FKBP6: variants seen among roughly 807,000 people sequenced by gnomAD.
FKBP6 encodes inactive peptidyl-prolyl cis-trans isomerase FKBP6.
A neutral mutation model predicts 41.7 loss-of-function variants in FKBP6; 29 were observed. That is an observed-to-expected ratio of 0.70 (90% CI 0.52 to 0.95). The LOEUF is 0.95. FKBP6 is among the 40% of genes least tolerant of loss of function. The pLI is 0.00. For synonymous variants in FKBP6, 130 were observed against 165.1 expected (o/e 0.79, Z 1.63); for missense variants, 338 against 408.7 (o/e 0.83, Z 1.49).
chr7:73,343,148 T>G (rs1002201960), intron 8 of FKBP6, among the ~76,000 whole-genome samples: 2 of 152,098 alleles, frequency 1.3e-5, no homozygotes, highest in Non-Finnish European at 2.9e-5. Context: ...AGCTATTTAT[T>G]TATTTATTTG....
chr7:73,340,884 C>CTG, intron 6 of FKBP6, 52 bp downstream of exon 6: 1 of 1,196,302 alleles, frequency 8.4e-7, no homozygotes, highest in Non-Finnish European at 1.2e-6. Flanking sequence ...AAGGTAGTAG[C>CTG]AGTGCTCAAC....
chr7:73,332,259 G>A (rs1165583486), intron 5 of FKBP6, among the ~76,000 whole-genome samples: 3 of 152,064 alleles, frequency 2.0e-5, no homozygotes, highest in African/African-American at 7.2e-5. Flanking sequence ...CAAGGCAGGT[G>A]GATCACCTGA....
In FKBP6 at chr7:73,341,520, TCTGAAGTGCTCGG is replaced by T. The variant is rs1461910710; in HGVS notation, c.893+140_893+152del. 192 of 710,844 alleles carry T rather than the reference TCTGAAGTGCTCGG, an allele frequency of 2.7e-4. 1 individual carries two copies. In the Middle Eastern group the frequency reaches 3.9e-3, roughly 15 times the overall value. The allele number at this position is 710,844 out of a possible 1,614,324, so 44.0% of individuals were successfully genotyped here. On this transcript the variant is annotated intron_variant, in intron 7 of 8. Transcript: ENST00000252037. ...AGGCCGCCCCCTCTACAGCTGGGTT[TCTGAAGTGCTCGG>T]CCGTGCGCTGCACCAGCAGTTCCCA...
At chr7:73,340,992 C>T (rs1231355285) in intron 6 of FKBP6, among the ~76,000 whole-genome samples, 160 bp downstream of exon 6, 2 of 143,188 alleles carry the variant, frequency 1.4e-5, no homozygotes, top group African/African-American at 2.6e-5. Context: ...GGCGCAAATT[C>T]GGCTCGCTGC....
intron 8 of FKBP6, among the ~76,000 whole-genome samples, chr7:73,356,919 T>C (rs1554552033): frequency 1.3e-5 from 2 of 152,174 alleles, no homozygotes; most frequent in African/African-American, 4.8e-5. Context: ...TAGCTGGGAT[T>C]ACAGGTGCCT....
chr7:73,347,916 A>G (rs190056012), intron 8 of FKBP6, among the ~76,000 whole-genome samples: 1 of 152,342 alleles, frequency 6.6e-6, no homozygotes, highest in Non-Finnish European at 1.5e-5. Flanking sequence ...GAGTGCTGAA[A>G]TTATGAGCGT....
intron 8 of FKBP6, among the ~76,000 whole-genome samples, chr7:73,351,266 G>A (rs978535199): frequency 6.6e-6 from 1 of 152,152 alleles, no homozygotes; most frequent in Non-Finnish European, 1.5e-5. Context: ...CTAACCTCAA[G>A]TGATTCATCC....
intron 2 of FKBP6, among the ~76,000 whole-genome samples, chr7:73,329,044 A>G (rs578077191): frequency 6.6e-6 from 1 of 152,150 alleles, no homozygotes; most frequent in East Asian, 1.9e-4. Flanking sequence ...GACCCAAGTG[A>G]GCCTCCCACC....
rs1351810128 is a variant in FKBP6 at position 73,358,389 on chromosome 7, G to A, written c.*211G>A. ...TTCGTAACAGAAGGGAGGGGAAAGC[G>A]CAGCTACTGACAAGTAGAACACTGC... On this transcript the variant is annotated 3_prime_UTR_variant, in exon 9 of 9. Transcript: ENST00000252037. The A allele has an allele frequency of 5.2e-5, 8 of 152,596 alleles. No individual in the cohort carries two copies. The East Asian group carries it at 9.6e-4, about 18-fold the overall frequency. 9.5% of individuals were successfully genotyped at this position (152,596 alleles called of 1,614,324 possible). A position where few individuals can be genotyped will look rare whatever the true frequency, so the allele number is the denominator to read the frequency against.
chr7:73,350,946 CTGTT>C (rs1434544744), intron 8 of FKBP6, among the ~76,000 whole-genome samples: 1 of 152,234 alleles, frequency 6.6e-6, no homozygotes, highest in Non-Finnish European at 1.5e-5. Flanking sequence ...GGCAGGGAAT[CTGTT>C]TGATCCCCTT....
chr7:73,345,361 T>C (rs2115925001), intron 8 of FKBP6, among the ~76,000 whole-genome samples: 1 of 152,130 alleles, frequency 6.6e-6, no homozygotes, highest in Non-Finnish European at 1.5e-5. Flanking sequence ...CCCCTCGGCT[T>C]TGTTTTCTCC....
chr7:73,328,231 C>T lies in FKBP6; in HGVS notation c.-198C>T, dbSNP rs1457163847. The T allele has an allele frequency of 3.2e-6, 5 of 1,549,110 alleles. No individual in the cohort carries two copies. Among genetic ancestry groups the T allele is most frequent in the Non-Finnish European group, 4.4e-6 (5 of 1,146,620 alleles). On this transcript the variant is annotated 5_prime_UTR_variant, in exon 1 of 9. Transcript: ENST00000252037. ...CCGCGTGGCCTCTGTAGTTCCAGAG[C>T]TCGCGAGGGCCAGGGCCGTTGGCGG... is the stretch of plus-strand genomic sequence containing the variant.
chr7:73,335,476 C>G (rs533550096), intron 5 of FKBP6, among the ~76,000 whole-genome samples: 1 of 152,314 alleles, frequency 6.6e-6, no homozygotes, highest in Non-Finnish European at 1.5e-5. Flanking sequence ...TATTGAGATT[C>G]CTTTTCATAG....
chr7:73,349,131 C>A (rs1207449041), intron 8 of FKBP6, among the ~76,000 whole-genome samples: 2 of 151,992 alleles, frequency 1.3e-5, no homozygotes, highest in East Asian at 3.9e-4. Flanking sequence ...AAAGGGTGGC[C>A]AGGTAGGGTG....
Position 73,342,861 on chromosome 7 carries a change from G to T in FKBP6, c.948G>T (p.Ala316=), listed in dbSNP as rs200589935. 1.9e-5 allele frequency: 30 copies of T among 1,613,876 alleles called. No homozygotes were observed. Among genetic ancestry groups the T allele is most frequent in the Non-Finnish European group, 2.5e-5 (30 of 1,179,836 alleles). The change falls in exon 8 of 9, where the codon GCG becomes GCT. Residue 316 remains alanine (A), a synonymous_variant. Transcript: ENST00000252037. ...KEKEMWHRMF[A]PCGDGSTAGE... is the part of the protein sequence containing the mutation. ...AAGAAATGTGGCACCGCATGTTCGC[G>T]CCCTGTGGCGATGGTTCTACAGCAG... is the stretch of plus-strand genomic sequence containing the variant.
intron 8 of FKBP6, among the ~76,000 whole-genome samples, chr7:73,351,927 C>G (rs2115965671): frequency 6.6e-6 from 1 of 152,046 alleles, no homozygotes; most frequent in East Asian, 1.9e-4. Flanking sequence ...AGTCATTTCA[C>G]CTCTCTGGGC....
intron 8 of FKBP6, 34 bp downstream of exon 8, chr7:73,342,933 C>T (rs370226692): frequency 1.5e-5 from 21 of 1,427,742 alleles, no homozygotes; most frequent in Non-Finnish European, 1.3e-5. Flanking sequence ...CACAGGCTTC[C>T]GGATGGAGAA....
chr7:73,354,965 C>T (rs556564471), intron 8 of FKBP6, among the ~76,000 whole-genome samples: 4 of 152,222 alleles, frequency 2.6e-5, no homozygotes, highest in East Asian at 1.9e-4. Context: ...CTCCGATTTC[C>T]GACAGAAACA....
chr7:73,349,899 CG>C (rs2115952931), intron 8 of FKBP6, among the ~76,000 whole-genome samples: 1 of 152,144 alleles, frequency 6.6e-6, no homozygotes, highest in East Asian at 1.9e-4. Context: ...AAGGTTGCTT[CG>C]GCCCTTCCCT....
Sources: gnomAD v4.1 joint callset for allele counts (sites outside exome capture counted in the v4.1 genomes callset) on GRCh38, gnomAD v4.1.1 for gene constraint, MANE v1.5 for transcripts, NCBI Gene and HGNC (gene_info 2026-07-23, HGNC 2026-07-21) for gene names.